FHIT: variants seen among roughly 807,000 people sequenced by gnomAD.
The protein encoded by FHIT is bis(5'-adenosyl)-triphosphatase.
In FHIT, 19 loss-of-function variants were observed where a neutral mutation model predicts 17.9. The ratio of observed to expected loss-of-function variants is 1.06; its 90% CI spans 0.74 to 1.56. The LOEUF is 1.56. Ranked by LOEUF, FHIT falls within the 40% of genes most tolerant of loss-of-function variation. The pLI is 0.00. For missense variants in FHIT, 248 were observed against 189.2 expected (o/e 1.31, Z -1.82); for synonymous variants, 81 against 69.7 (o/e 1.16, Z -0.81).
At chr3:61,022,760 T>A (rs1483742710) in intron 3 of FHIT, among the ~76,000 whole-genome samples, 1 of 152,128 alleles carries the variant, frequency 6.6e-6, no homozygotes, top group African/African-American at 2.4e-5. Context: ...ATTAACTCAA[T>A]AGATGCAGAA....
intron 2 of FHIT, among the ~76,000 whole-genome samples, chr3:61,044,161 C>A (rs13314073): frequency 6.6e-6 from 1 of 152,012 alleles, no homozygotes; most frequent in East Asian, 1.9e-4. Flanking sequence ...AGGCTTCAGA[C>A]GATTGTTAGT....
At chr3:61,073,976 T>C (rs1174104652) in intron 2 of FHIT, among the ~76,000 whole-genome samples, 1 of 152,204 alleles carries the variant, frequency 6.6e-6, no homozygotes, top group Non-Finnish European at 1.5e-5. Flanking sequence ...TGATTTGGCA[T>C]TGGGTATTTA....
chr3:60,569,755 A>ATATATATATATATATATATT, intron 4 of FHIT, among the ~76,000 whole-genome samples: 12 of 77,336 alleles, frequency 1.6e-4, no homozygotes, highest in East Asian at 5.3e-4. Context: ...ATATATATAT[A>ATATATATATATATATATATT]TTTTTTTTTT....
chr3:59,770,106 C>A (rs533485853), intron 8 of FHIT, among the ~76,000 whole-genome samples: 4 of 152,308 alleles, frequency 2.6e-5, no homozygotes, highest in Admixed American at 2.6e-4. Context: ...AGGTCAGCTT[C>A]TGGTTGAACG....
intron 5 of FHIT, among the ~76,000 whole-genome samples, chr3:60,342,348 G>A (rs57923315): frequency 0.14 from 21,776 of 152,170 alleles, 1,619 homozygotes; most frequent in Non-Finnish European, 0.16. Flanking sequence ...AGGTTCCATA[G>A]TGTGGCAGAT....
At chr3:60,639,446 A>G (rs2039671449) in intron 4 of FHIT, among the ~76,000 whole-genome samples, 1 of 152,170 alleles carries the variant, frequency 6.6e-6, no homozygotes, top group South Asian at 2.1e-4. Context: ...TCAGTCTAAA[A>G]GGGTTGGGGA....
intron 2 of FHIT, among the ~76,000 whole-genome samples, chr3:61,049,826 A>G (rs2033959343): frequency 6.6e-6 from 1 of 152,184 alleles, no homozygotes; most frequent in African/African-American, 2.4e-5. Flanking sequence ...AACCAATGGA[A>G]GGATTTTTTT....
chr3:60,975,410 G>C (rs1285230811), intron 3 of FHIT, among the ~76,000 whole-genome samples: 3 of 152,170 alleles, frequency 2.0e-5, no homozygotes, highest in African/African-American at 7.2e-5. Context: ...AATATGCCCA[G>C]TTAATGTATG....
intron 8 of FHIT, among the ~76,000 whole-genome samples, chr3:59,869,222 T>C (rs1221791587): frequency 1.3e-5 from 2 of 152,142 alleles, no homozygotes; most frequent in African/African-American, 2.4e-5. Flanking sequence ...TTAGAAGTAA[T>C]AGGTTTTTCT....
At chr3:60,672,874 CGTGTGTGTGTGTGTGT>C (rs71629109) in intron 4 of FHIT, among the ~76,000 whole-genome samples, 1 of 139,478 alleles carries the variant, frequency 7.2e-6, no homozygotes, top group Non-Finnish European at 1.5e-5. Flanking sequence ...CTCTTTGTAG[CGTGTGTGTGTGTGTGT>C]GTGTGTGTGT....
intron 8 of FHIT, among the ~76,000 whole-genome samples, chr3:59,810,290 C>T (rs551256436): frequency 6.6e-6 from 1 of 152,270 alleles, no homozygotes; most frequent in South Asian, 2.1e-4. Flanking sequence ...TGTAGAGGCT[C>T]AGAGAGAGTG....
intron 4 of FHIT, among the ~76,000 whole-genome samples, chr3:60,615,698 A>G (rs1377065994): frequency 2.6e-5 from 4 of 152,238 alleles, no homozygotes; most frequent in African/African-American, 9.6e-5. Flanking sequence ...TCAGACATAA[A>G]AGAAACAATC....
intron 5 of FHIT, among the ~76,000 whole-genome samples, chr3:60,526,958 C>T (rs776758117): frequency 6.6e-6 from 1 of 152,186 alleles, no homozygotes; most frequent in African/African-American, 2.4e-5. Context: ...TTTGTCCTCA[C>T]GTATCCTCTC....
chr3:60,659,541 A>C (rs183399368), intron 4 of FHIT, among the ~76,000 whole-genome samples: 3 of 152,106 alleles, frequency 2.0e-5, no homozygotes, highest in South Asian at 2.1e-4. Context: ...TACCTGTTCA[A>C]ATATGCCTTT....
intron 5 of FHIT, among the ~76,000 whole-genome samples, chr3:60,280,654 C>T (rs62248470): frequency 0.26 from 39,442 of 151,876 alleles, 5,880 homozygotes; most frequent in East Asian, 0.71. Flanking sequence ...TGTGGGAGTA[C>T]GGCCCTGCTG....
rs1313638815 is a variant in FHIT, at chr3:60,181,044, G to A, written c.104-166892C>T. ...CATGAGTTAAACTGCCACATTGATG[G>A]TACCATTTACCAACCAGCTATGAGA... On this transcript the variant is annotated intron_variant, in intron 5 of 9. Coordinates refer to ENST00000492590, the MANE Select transcript of FHIT (RefSeq NM_002012.4). 2.0e-5 allele frequency among the ~76,000 whole-genome samples: 3 copies of A among 151,952 alleles called. No homozygotes were observed. In the East Asian group the frequency reaches 5.8e-4, roughly 29 times the overall value.
In FHIT at chr3:60,006,350, G is replaced by A. The variant is rs1010628946; in HGVS notation, c.279+5021C>T. ...GTCATTCGTAGCGAGAGAATTCAGT[G>A]TATAATAATTAAGGGAATTTGGCAG... is the stretch of plus-strand genomic sequence containing the variant. On this transcript the variant is annotated intron_variant, in intron 7 of 9. Transcript: ENST00000492590. Among the ~76,000 whole-genome samples the A allele has an allele frequency of 5.3e-5, 8 of 152,274 alleles. No individual in the cohort carries two copies. In the South Asian group the frequency reaches 1.7e-3, roughly 32 times the overall value.
At chr3:60,767,478 A>G (rs1699897278) in intron 4 of FHIT, among the ~76,000 whole-genome samples, 1 of 152,228 alleles carries the variant, frequency 6.6e-6, no homozygotes, top group Admixed American at 6.5e-5. Context: ...TTTGTCTGCT[A>G]CGATCATGTG....
chr3:60,772,124 T>C (rs1282817153), intron 4 of FHIT, among the ~76,000 whole-genome samples: 4 of 151,302 alleles, frequency 2.6e-5, no homozygotes, highest in Non-Finnish European at 4.4e-5. Flanking sequence ...GCCATGACTA[T>C]CTGTGGCCTG....
Sources: gnomAD v4.1 joint callset for allele counts (sites outside exome capture counted in the v4.1 genomes callset) on GRCh38, gnomAD v4.1.1 for gene constraint, MANE v1.5 for transcripts, NCBI Gene and HGNC (gene_info 2026-07-23, HGNC 2026-07-21) for gene names.